Variants in TENM2 observed in about 807,000 individuals in gnomAD.
TENM2 encodes teneurin transmembrane protein 2, also known as teneurin-2.
TENM2 carries 52 observed loss-of-function variants against 245.2 expected under a neutral mutation model. The ratio of observed to expected loss-of-function variants is 0.21; its 90% CI spans 0.17 to 0.27. TENM2 has a LOEUF of 0.27. TENM2 is among the 10% of genes least tolerant of loss of function. TENM2 has a pLI of 1.00. For missense variants in TENM2, 3,046 were observed against 3,666.8 expected, an observed-to-expected ratio of 0.83 and a Z score of 4.37; for synonymous variants, 1,363 against 1,438.9, an observed-to-expected ratio of 0.95 and a Z score of 1.19.
the TENM2 span, among the ~76,000 whole-genome samples, chr5:167,137,090 CT>C: frequency 6.6e-6 from 1 of 152,142 alleles, no homozygotes; most frequent in Non-Finnish European, 1.5e-5. Flanking sequence ...ATATCTCCCT[CT>C]CTTCTTATTT....
chr5:167,912,233 T>A (rs181870325), intron 3 of TENM2, among the ~76,000 whole-genome samples: 2 of 152,178 alleles, frequency 1.3e-5, no homozygotes, highest in East Asian at 3.9e-4. Flanking sequence ...CCACGTGTAA[T>A]TGAGAGGGGT....
intron 2 of TENM2, among the ~76,000 whole-genome samples, chr5:167,608,713 C>T (rs1777234634): frequency 6.6e-6 from 1 of 152,100 alleles, no homozygotes; most frequent in Admixed American, 6.5e-5. Context: ...TGCTTCGTGT[C>T]TCACAGGAGC....
chr5:167,998,939 A>G (rs896891779), intron 5 of TENM2, among the ~76,000 whole-genome samples: 23 of 152,304 alleles, frequency 1.5e-4, no homozygotes, highest in African/African-American at 5.1e-4. Flanking sequence ...TAAAGTTGCT[A>G]CACTTGAAAA....
chr5:167,869,294 G>A (rs1772606252), intron 2 of TENM2, among the ~76,000 whole-genome samples: 1 of 152,204 alleles, frequency 6.6e-6, no homozygotes, highest in African/African-American at 2.4e-5. Context: ...AATGAGAATG[G>A]GTTGGGTTTC....
chr5:167,220,984 G>T, the TENM2 span, among the ~76,000 whole-genome samples: 1 of 152,052 alleles, frequency 6.6e-6, no homozygotes, highest in Non-Finnish European at 1.5e-5. Flanking sequence ...CTACCACCAT[G>T]CTCAGCTAAT....
chr5:168,199,594 T>G lies in TENM2; in HGVS notation c.3163-270T>G, dbSNP rs371038935. Among the ~76,000 whole-genome samples the G allele has an allele frequency of 9.8e-5, 15 of 152,380 alleles. No individual in the cohort carries two copies. In the South Asian group the frequency reaches 3.1e-3, roughly 32 times the overall value. ...GCCTGCTGTTCTTATTTACATCTTT[T>G]GCCAACAGTGTGGCTTTTTAAAAAG... On this transcript the variant is annotated intron_variant, in intron 16 of 28. Transcript: ENST00000518659.
chr5:167,898,839 C>T (rs1446747258), intron 3 of TENM2, among the ~76,000 whole-genome samples: 1 of 152,074 alleles, frequency 6.6e-6, no homozygotes, highest in Non-Finnish European at 1.5e-5. Context: ...TGTGATGAGC[C>T]CTTCTTAGGA....
chr5:168,262,300 C>T (rs377647349), exon 29 of TENM2: 32 of 1,610,418 alleles, frequency 2.0e-5, no homozygotes, highest in Admixed American at 8.4e-5. Flanking sequence ...ACGCCTACTA[C>T]CTGGACAAGA....
intron 2 of TENM2, among the ~76,000 whole-genome samples, chr5:167,616,240 G>A (rs1049534016): frequency 1.3e-5 from 2 of 152,250 alleles, no homozygotes; most frequent in African/African-American, 4.8e-5. Flanking sequence ...TTGATCTAAA[G>A]ATGAAGTGGT....
chr5:167,924,916 T>A (rs1386114179), intron 3 of TENM2, among the ~76,000 whole-genome samples: 1 of 152,152 alleles, frequency 6.6e-6, no homozygotes, highest in Non-Finnish European at 1.5e-5. Context: ...GTAGAGTACC[T>A]CACATACTCT....
chr5:167,315,569 A>G (rs1208169101), intron 1 of TENM2, among the ~76,000 whole-genome samples: 1 of 152,206 alleles, frequency 6.6e-6, no homozygotes, highest in Non-Finnish European at 1.5e-5. Context: ...TTAATAGAGT[A>G]AAACAGAAAG....
chr5:167,071,878 G>GGCCCCC, the TENM2 span, among the ~76,000 whole-genome samples: 3 of 124,024 alleles, frequency 2.4e-5, no homozygotes, highest in Non-Finnish European at 5.1e-5. Context: ...TTGACAAATC[G>GGCCCCC]CCCCCCCCCG....
chr5:167,745,506 A>T (rs1185864775), intron 2 of TENM2, among the ~76,000 whole-genome samples: 2 of 152,240 alleles, frequency 1.3e-5, no homozygotes, highest in Non-Finnish European at 2.9e-5. Flanking sequence ...TTTTTAAAAA[A>T]TAGCTTTTTG....
Position 167,639,678 on chromosome 5 carries a change from T to G in TENM2, c.503-236308T>G, listed in dbSNP as rs1200722669. On this transcript the variant is annotated intron_variant, in intron 2 of 28. Coordinates refer to ENST00000518659, the Ensembl canonical transcript of TENM2. ...ATCAGGGAAAACCTTGACTTTTAGC[T>G]GCAATAGAGCTTTAGCCAGCCATTC... Among the ~76,000 whole-genome samples the G allele has an allele frequency of 2.0e-5, 3 of 152,172 alleles. 1 individual carries two copies. Among genetic ancestry groups the G allele is most frequent in the Admixed American group, 2.0e-4 (3 of 15,280 alleles).
intron 2 of TENM2, among the ~76,000 whole-genome samples, chr5:167,859,385 G>T (rs1462296383): frequency 1.4e-5 from 2 of 147,954 alleles, no homozygotes; most frequent in African/African-American, 2.5e-5. Context: ...AGGTGGGGGG[G>T]GTCAGCCCCC....
intron 4 of TENM2, among the ~76,000 whole-genome samples, chr5:167,973,373 A>G (rs754973545): frequency 2.6e-5 from 4 of 152,196 alleles, no homozygotes; most frequent in Non-Finnish European, 4.4e-5. Flanking sequence ...AGCTGTGTTC[A>G]TAGGACTTCA....
chr5:167,136,927 G>T, the TENM2 span, among the ~76,000 whole-genome samples: 1 of 152,152 alleles, frequency 6.6e-6, no homozygotes, highest in Non-Finnish European at 1.5e-5. Context: ...AGACTAGGTG[G>T]TTTAAACAAC....
intron 2 of TENM2, among the ~76,000 whole-genome samples, chr5:167,762,567 A>T (rs1471806408): frequency 6.6e-6 from 1 of 152,216 alleles, no homozygotes; most frequent in African/African-American, 2.4e-5. Flanking sequence ...GAGGTTAGGC[A>T]TGAAAAGCCA....
At chr5:167,074,391 G>C in the TENM2 span, among the ~76,000 whole-genome samples, 1 of 152,124 alleles carries the variant, frequency 6.6e-6, no homozygotes, top group Non-Finnish European at 1.5e-5. Context: ...AGAAACGGTG[G>C]TAAGGACAGG....
Sources: allele counts gnomAD v4.1 joint callset (sites outside exome capture counted in the v4.1 genomes callset), GRCh38; gene constraint gnomAD v4.1.1; transcripts MANE v1.5; gene names NCBI Gene and HGNC (gene_info 2026-07-23, HGNC 2026-07-21).